Variants in RIPK4 observed in about 807,000 individuals in gnomAD.
RIPK4 encodes the protein receptor interacting serine/threonine kinase 4.
A neutral mutation model predicts 42.9 loss-of-function variants in RIPK4; 17 were observed. The ratio of observed to expected loss-of-function variants is 0.40; its 90% CI spans 0.27 to 0.59. The LOEUF is 0.59. Among genes scored for constraint, RIPK4 ranks in the 20% least tolerant of loss-of-function variants. The probability of loss-of-function intolerance (pLI) is 0.47; values close to 1 mark genes in which losing one functional copy is unlikely to be tolerated. For synonymous variants in RIPK4, 498 were observed against 499.1 expected (o/e 1.00, Z 0.03); for missense variants, 897 against 1,104.4 (o/e 0.81, Z 2.66).
intron 6 of RIPK4, among the ~76,000 whole-genome samples, chr21:41,745,419 A>AG (rs1322600314): frequency 6.6e-6 from 1 of 152,200 alleles, no homozygotes; most frequent in African/African-American, 2.4e-5. Context: ...TCCCCGAGCC[A>AG]GGGGTGCAAA....
chr21:41,754,547 G>A (rs1210576426), intron 2 of RIPK4, among the ~76,000 whole-genome samples: 4 of 152,130 alleles, frequency 2.6e-5, no homozygotes, highest in Admixed American at 2.0e-4. Context: ...GGCAGCATCC[G>A]CCCCCTGCAG....
chr21:41,749,889 T>TAAAAAAAAAAAAAAAAA (rs776305508), intron 3 of RIPK4, among the ~76,000 whole-genome samples: 7 of 99,360 alleles, frequency 7.0e-5, no homozygotes, highest in South Asian at 3.2e-4. Flanking sequence ...CCAAATTGAT[T>TAAAAAAAAAAAAAAAAA]AAAAAAAAAA....
Position 41,742,114 on chromosome 21 carries a change from G to T in RIPK4, c.1196-117C>A. ...GAGTGCCATGGCCTCCAGGCTGCTC[G>T]CTGGTCACCCGACTGTGTTTGAGCG... On this transcript the variant is annotated intron_variant, in intron 7 of 7. Coordinates refer to ENST00000332512, the MANE Select transcript of RIPK4 (RefSeq NM_020639.3). This position sits in a 1 kb window ranked among gnomAD's most constrained non-coding sequence, Gnocchi z 5.1. 2 of 887,538 alleles carry T rather than the reference G, an allele frequency of 2.3e-6. No individual in the cohort carries two copies. Among genetic ancestry groups the T allele is most frequent in the Non-Finnish European group, 3.5e-6 (2 of 574,658 alleles). 55.0% of individuals were successfully genotyped at this position (887,538 alleles called of 1,614,324 possible).
intron 2 of RIPK4, among the ~76,000 whole-genome samples, chr21:41,754,124 G>T (rs6586234): frequency 0.16 from 24,554 of 152,008 alleles, 2,131 homozygotes; most frequent in South Asian, 0.27. Context: ...GGATCTAATT[G>T]CAGGATTCTG....
In RIPK4 at chr21:41,748,295, G is replaced by A. The variant is rs186886769; in HGVS notation, c.673+859C>T. ...CCTAGTCTGAGCCCCGACTAACAAGGGGCTAGGCCTTGACTCTCATCTTCA... is the reference window on the plus strand; with the variant it reads ...CCTAGTCTGAGCCCCGACTAACAAGAGGCTAGGCCTTGACTCTCATCTTCA... On this transcript the variant is annotated intron_variant, in intron 4 of 7. Transcript: ENST00000332512. Among the ~76,000 whole-genome samples the A allele has an allele frequency of 1.7e-3, 262 of 152,308 alleles. 3 individuals carry two copies. Among genetic ancestry groups the A allele is most frequent in the Admixed American group, 2.2e-3 (33 of 15,302 alleles).
chr21:41,766,788 G>A (rs1432390528), intron 1 of RIPK4, 72 bp downstream of exon 1: 20 of 1,477,088 alleles, frequency 1.4e-5, no homozygotes, highest in South Asian at 9.8e-5. Context: ...GCAGGACCCC[G>A]GGACCAGAGC....
chr21:41,766,883 C>A lies in RIPK4; in HGVS notation c.159G>T (p.Ser53=), dbSNP rs6586238. Reference sequence around the variant, plus strand: ...ACCTGTCGTCGACGTGCAGGCTGGGCGAGCACTTGATGGCCAGCCAGGTCT... The same window carrying A: ...ACCTGTCGTCGACGTGCAGGCTGGGAGAGCACTTGATGGCCAGCCAGGTCT... ...HWKTWLAIKC[S]PSLHVDDRER... Residue 53 remains serine (S), a synonymous_variant, in exon 1 of 8, where the codon TCG becomes TCT. Transcript: ENST00000332512. The A allele has an allele frequency of 1.7e-5, 28 of 1,609,760 alleles. No homozygotes were observed. In the African/African-American group the frequency reaches 1.9e-4, roughly 11 times the overall value.
chr21:41,745,861 T>C lies in RIPK4; in HGVS notation c.834A>G (p.Glu278=), dbSNP rs755863486. The C allele has an allele frequency of 1.9e-6, 3 of 1,612,434 alleles. No homozygotes were observed. The highest frequency in any genetic ancestry group is 2.5e-6 in the Non-Finnish European group (3 of 1,178,416). The change falls in exon 6 of 8, where the codon GAA becomes GAG. Residue 278 remains glutamate (E), a splice_region_variant and synonymous_variant. Transcript: ENST00000332512. ...GDPRVRPTFQ[E]ITSETEDLCE... ...ACAGGTCCTCGGTTTCAGAAGTAAT[T>C]TCTTGTGGGGAAGAAAGGGGACATG...
Position 41,741,089 on chromosome 21 carries a change from G to T in RIPK4, c.2104C>A (p.Leu702Met), listed in dbSNP as rs2061151543. The change falls in exon 8 of 8, where the codon CTG becomes ATG. Residue 702 changes from leucine (L) to methionine (M), a missense_variant. Physicochemically the swap from Leu to Met is conservative, Grantham distance 15 (BLOSUM62 2). Transcript: ENST00000332512. ...EKADVLARGP[L>M]NQTALHLAAA... Reference sequence around the variant, plus strand: ...GCCAGGTGCAGCGCCGTCTGGTTCAGGGGTCCCCGGGCCAGCACATCGGCC... The same window carrying T: ...GCCAGGTGCAGCGCCGTCTGGTTCATGGGTCCCCGGGCCAGCACATCGGCC... The T allele has an allele frequency of 6.2e-7, 1 of 1,611,798 alleles. No individual in the cohort carries two copies. The highest frequency in any genetic ancestry group is 1.3e-5 in the African/African-American group (1 of 74,848).
intron 7 of RIPK4, 47 bp downstream of exon 7, chr21:41,743,835 C>T (rs2146046439): frequency 6.5e-7 from 1 of 1,534,518 alleles, no homozygotes; most frequent in Admixed American, 2.0e-5. Flanking sequence ...AGTCCACTGT[C>T]CCGCCAAGCC....
At position 41,739,687 on chromosome 21, in the gene RIPK4, C is replaced by G. The variant is rs948234291; in HGVS notation, c.*1151G>C. 2.0e-5 allele frequency: 3 copies of G among 152,222 alleles called. No individual in the cohort carries two copies. Among genetic ancestry groups the G allele is most frequent in the African/African-American group, 7.2e-5 (3 of 41,458 alleles). 9.4% of individuals were successfully genotyped at this position (152,222 alleles called of 1,614,324 possible). A position where few individuals can be genotyped will look rare whatever the true frequency, so the allele number is the denominator to read the frequency against. ...TGGGACACAGGTGACAGTGAAGTTA[C>G]GAGGCTAGATGGCCACATCTTTTAC... is the stretch of plus-strand genomic sequence containing the variant. On this transcript the variant is annotated 3_prime_UTR_variant, in exon 8 of 8. Coordinates refer to ENST00000332512, the MANE Select transcript of RIPK4 (RefSeq NM_020639.3).
At chr21:41,749,266 T>G (rs1177448998) in intron 3 of RIPK4, 63 bp from the exon 4 acceptor site, 4 of 1,545,710 alleles carry the variant, frequency 2.6e-6, no homozygotes, top group Non-Finnish European at 3.6e-6. Context: ...AATGCACTCA[T>G]GCACAGCAAC....
At chr21:41,766,667 C>G (rs1407756621) in intron 1 of RIPK4, among the ~76,000 whole-genome samples, 193 bp downstream of exon 1, 1 of 152,146 alleles carries the variant, frequency 6.6e-6, no homozygotes, top group Non-Finnish European at 1.5e-5. Flanking sequence ...CCAAAGCCCC[C>G]GCGCCCCTCC....
rs1462700562 is a variant in RIPK4, at chr21:41,767,023, T to C, written c.19A>G (p.Thr7Ala). MEGDGG[T>A]PWALALLRTF... ...CGCAGCAGCGCCAGGGCCCATGGGG[T>C]CCCGCCGTCGCCCTCCATCGCGCAC... Residue 7 changes from threonine to alanine, a missense_variant, in exon 1 of 8, where the codon ACC becomes GCC. Physicochemically the swap from Thr to Ala is moderately conservative, Grantham distance 58. Transcript: ENST00000332512. The surrounding 1 kb of genome is among the most constrained non-coding windows in gnomAD (Gnocchi z 4.0). 1 of 1,581,198 alleles carries C rather than the reference T, an allele frequency of 6.3e-7. No homozygotes were observed. Among genetic ancestry groups the C allele is most frequent in the South Asian group, 1.1e-5 (1 of 87,776 alleles).
At chr21:41,766,198 G>GGGCCCCGTGCCGGACCCCACTGCCA (rs1601687198) in intron 1 of RIPK4, among the ~76,000 whole-genome samples, 3 of 152,202 alleles carry the variant, frequency 2.0e-5, no homozygotes, top group East Asian at 1.9e-4. Context: ...TCAACACCCC[G>GGGCCCCGTGCCGGACCCCACTGCCA]GGCCCCGTGC....
intron 1 of RIPK4, among the ~76,000 whole-genome samples, chr21:41,761,574 G>A (rs2061220472): frequency 6.6e-6 from 1 of 152,118 alleles, no homozygotes; most frequent in African/African-American, 2.4e-5. Flanking sequence ...GCAACCGTGT[G>A]AGGCACACCC....
At chr21:41,758,021 A>AAAAAT (rs1555910478) in intron 1 of RIPK4, among the ~76,000 whole-genome samples, 165 of 51,184 alleles carry the variant, frequency 3.2e-3, no homozygotes, top group Non-Finnish European at 4.7e-3. Context: ...AAAAAAAAAA[A>AAAAAT]ATATATATAT....
At chr21:41,744,179 C>A (rs1389052331) in intron 6 of RIPK4, 39 bp from the exon 7 acceptor site, 1 of 1,522,696 alleles carries the variant, frequency 6.6e-7, no homozygotes, top group Non-Finnish European at 8.8e-7. Flanking sequence ...GAAGACCCTG[C>A]CATAGACCGC....
At chr21:41,763,254 A>T (rs1044438586) in intron 1 of RIPK4, among the ~76,000 whole-genome samples, 1 of 152,226 alleles carries the variant, frequency 6.6e-6, no homozygotes, top group Non-Finnish European at 1.5e-5. Flanking sequence ...ATTTAGGGCT[A>T]GCCAAAGTGT....
Sources: gnomAD v4.1 joint callset for allele counts (sites outside exome capture counted in the v4.1 genomes callset) on GRCh38, gnomAD v4.1.1 for gene constraint, Gnocchi (gnomAD v3.1) non-coding constraint, MANE v1.5 for transcripts, NCBI Gene and HGNC (gene_info 2026-07-23, HGNC 2026-07-21) for gene names.